TAFA5: variants seen among roughly 807,000 people sequenced by gnomAD.
TAFA5 encodes the protein TAFA chemokine like family member 5.
Under a neutral mutation model 15.3 loss-of-function variants are expected in TAFA5, and 6 were observed. The observed-to-expected ratio is 0.39, with a 90% CI of 0.21 to 0.77. The LOEUF (loss-of-function observed/expected upper bound fraction) is 0.77. TAFA5 is among the 30% of genes least tolerant of loss of function. TAFA5 has a pLI of 0.41. For synonymous variants in TAFA5, 103 were observed against 80.7 expected, an observed-to-expected ratio of 1.28 and a Z score of -1.48; for missense variants, 161 against 193.1, an observed-to-expected ratio of 0.83 and a Z score of 0.98.
intron 1 of TAFA5, among the ~76,000 whole-genome samples, chr22:48,520,455 C>T (rs188972569): frequency 2.0e-5 from 3 of 152,248 alleles, no homozygotes; most frequent in East Asian, 3.9e-4. Flanking sequence ...TTACCCTTCT[C>T]GCTGGTGAAG....
In TAFA5 at chr22:48,559,875, C is replaced by T. The variant is rs142888891; in HGVS notation, c.112+70171C>T. Among the ~76,000 whole-genome samples, 1,424 of 152,276 alleles carry T rather than the reference C, an allele frequency of 9.4e-3. 12 individuals are homozygous for T. The highest frequency in any genetic ancestry group is 0.015 in the Non-Finnish European group (993 of 68,002). On this transcript the variant is annotated intron_variant, in intron 1 of 3. Coordinates refer to ENST00000402357, the MANE Select transcript of TAFA5 (RefSeq NM_001082967.3). ...GGGTCTTCATCCTCATTACAACCAT[C>T]GCCAGAGATGCGGTCGCCGTGCACT...
chr22:48,708,088 G>A (rs1165292483), intron 3 of TAFA5, among the ~76,000 whole-genome samples: 1 of 152,198 alleles, frequency 6.6e-6, no homozygotes, highest in African/African-American at 2.4e-5. Flanking sequence ...CCAGCTGCAA[G>A]GCTGGTCAGC....
chr22:48,609,222 T>C (rs1925308543), intron 1 of TAFA5, among the ~76,000 whole-genome samples: 1 of 152,212 alleles, frequency 6.6e-6, no homozygotes, highest in African/African-American at 2.4e-5. Context: ...AGCAGGTTCC[T>C]GGGTGAGGCC....
chr22:48,697,832 G>T (rs1928766183), intron 2 of TAFA5, among the ~76,000 whole-genome samples: 1 of 151,516 alleles, frequency 6.6e-6, no homozygotes, highest in African/African-American at 2.4e-5. Context: ...GGTGATGTTG[G>T]TGATAGTGAG....
intron 2 of TAFA5, among the ~76,000 whole-genome samples, chr22:48,676,246 C>T (rs1198034237): frequency 2.6e-5 from 4 of 152,248 alleles, no homozygotes; most frequent in Non-Finnish European, 5.9e-5. Flanking sequence ...CCTGTCCCTC[C>T]CACCTGGGGT....
Position 48,703,619 on chromosome 22 carries a change from G to A in TAFA5, c.263-4098G>A, listed in dbSNP as rs146267009. 2.7e-3 allele frequency among the ~76,000 whole-genome samples: 419 copies of A among 152,368 alleles called. 3 individuals carry two copies. Among genetic ancestry groups the A allele is most frequent in the African/African-American group, 9.2e-3 (384 of 41,584 alleles). Reference sequence around the variant, plus strand: ...AGCCGAGCCTTGTGCTGGGTAGTGCGCTGTGGCCTGCGCCGTATCCACCCT... The same window carrying A: ...AGCCGAGCCTTGTGCTGGGTAGTGCACTGTGGCCTGCGCCGTATCCACCCT... On this transcript the variant is annotated intron_variant, in intron 2 of 3. Coordinates refer to ENST00000402357, the MANE Select transcript of TAFA5 (RefSeq NM_001082967.3).
intron 2 of TAFA5, among the ~76,000 whole-genome samples, chr22:48,680,665 G>A (rs11913554): frequency 0.023 from 3,566 of 152,324 alleles, 146 homozygotes; most frequent in African/African-American, 0.082. Context: ...CAGGCCCCTT[G>A]TGCATGCCAG....
chr22:48,575,438 C>T (rs1428812821), intron 1 of TAFA5, among the ~76,000 whole-genome samples: 2 of 146,446 alleles, frequency 1.4e-5, no homozygotes, highest in Admixed American at 6.8e-5. Context: ...GCCCGGCCAC[C>T]TGGGCCGGCA....
intron 1 of TAFA5, among the ~76,000 whole-genome samples, chr22:48,606,911 G>A (rs1339828402): frequency 1.3e-5 from 2 of 152,234 alleles, no homozygotes; most frequent in African/African-American, 2.4e-5. Context: ...GACAGTTCAC[G>A]CTGGCTTGCT....
chr22:48,672,394 A>G (rs1043865187), intron 2 of TAFA5, among the ~76,000 whole-genome samples: 7 of 152,216 alleles, frequency 4.6e-5, no homozygotes, highest in Non-Finnish European at 1.0e-4. Flanking sequence ...TAGTTCTTTT[A>G]TTGCCCTAAG....
At chr22:48,568,749 C>T (rs771712875) in intron 1 of TAFA5, among the ~76,000 whole-genome samples, 2 of 152,204 alleles carry the variant, frequency 1.3e-5, no homozygotes, top group African/African-American at 4.8e-5. Context: ...CCTCCCCCCA[C>T]GAAGCCCATT....
At chr22:48,512,708 CAGG>C (rs1921260501) in intron 1 of TAFA5, among the ~76,000 whole-genome samples, 2 of 151,774 alleles carry the variant, frequency 1.3e-5, no homozygotes, top group South Asian at 4.2e-4. Flanking sequence ...ATCACGAGGT[CAGG>C]AGATCGAGAC....
chr22:48,605,124 G>A (rs1448406674), intron 1 of TAFA5, among the ~76,000 whole-genome samples: 1 of 80,844 alleles, frequency 1.2e-5, no homozygotes, highest in Non-Finnish European at 2.7e-5. Flanking sequence ...GTGGAGGACT[G>A]AATGATGATG....
intron 1 of TAFA5, among the ~76,000 whole-genome samples, chr22:48,629,061 C>T (rs937568418): frequency 6.6e-6 from 1 of 152,206 alleles, no homozygotes; most frequent in Non-Finnish European, 1.5e-5. Flanking sequence ...GCCCTGGCCC[C>T]TCCGCAGGCC....
chr22:48,531,691 G>C (rs947594436), intron 1 of TAFA5, among the ~76,000 whole-genome samples: 5 of 152,206 alleles, frequency 3.3e-5, no homozygotes, highest in African/African-American at 1.2e-4. Flanking sequence ...TGAGCTGTCA[G>C]TCTCGCGCCA....
chr22:48,682,784 C>T (rs1468354551), intron 2 of TAFA5, among the ~76,000 whole-genome samples: 1 of 152,150 alleles, frequency 6.6e-6, no homozygotes, highest in African/African-American at 2.4e-5. Context: ...TGATCTGTGG[C>T]TTGGTGCTTT....
intron 1 of TAFA5, among the ~76,000 whole-genome samples, chr22:48,554,141 C>T (rs1289051764): frequency 1.3e-5 from 2 of 152,160 alleles, no homozygotes; most frequent in Admixed American, 6.5e-5. Context: ...TTTGAAGGAT[C>T]GGGAGGAAGA....
intron 1 of TAFA5, among the ~76,000 whole-genome samples, chr22:48,569,815 G>A (rs1225713787): frequency 1.3e-5 from 2 of 152,214 alleles, no homozygotes; most frequent in African/African-American, 2.4e-5. Flanking sequence ...TCCCCAGCAT[G>A]CGGCTGGCGT....
intron 1 of TAFA5, among the ~76,000 whole-genome samples, chr22:48,542,779 GTA>G (rs1190815695): frequency 6.8e-6 from 1 of 147,984 alleles, no homozygotes; most frequent in Non-Finnish European, 1.5e-5. Context: ...GATGTGTGGT[GTA>G]TGTCATGTGT....
Sources: allele counts gnomAD v4.1 joint callset (sites outside exome capture counted in the v4.1 genomes callset), GRCh38; gene constraint gnomAD v4.1.1; transcripts MANE v1.5; gene names NCBI Gene and HGNC (gene_info 2026-07-23, HGNC 2026-07-21).